PCDHA13: variants seen among roughly 807,000 people sequenced by gnomAD.
PCDHA13 encodes the protein protocadherin alpha-13.
Under a neutral mutation model 64.8 loss-of-function variants are expected in PCDHA13, and 54 were observed. The observed-to-expected ratio is 0.83, with a 90% CI of 0.67 to 1.04. The LOEUF is 1.04. Among genes scored for constraint, PCDHA13 ranks in the 50% least tolerant of loss-of-function variants. PCDHA13 has a pLI of 0.00. For missense variants in PCDHA13, 1,248 were observed against 1,254.3 expected (o/e 0.99, Z 0.08); for synonymous variants, 587 against 564.4 (o/e 1.04, Z -0.57).
At chr5:140,924,901 AAAAATAAAAT>A (rs10667761) in intron 1 of PCDHA13, among the ~76,000 whole-genome samples, 1,500 of 80,408 alleles carry the variant, frequency 0.019, 14 homozygotes, top group African/African-American at 0.052. Context: ...TCTCAAAAAA[AAAAATAAAAT>A]AAAATAAAAT....
intron 1 of PCDHA13, among the ~76,000 whole-genome samples, chr5:140,906,204 C>A (rs2072457750): frequency 6.6e-6 from 1 of 152,192 alleles, no homozygotes. Context: ...AGTTGACACT[C>A]AGTATTAACC....
intron 1 of PCDHA13, among the ~76,000 whole-genome samples, chr5:140,975,393 C>G (rs2096665585): frequency 6.6e-6 from 1 of 152,256 alleles, no homozygotes. Flanking sequence ...TAAGATCCAT[C>G]ACAATCACAG....
chr5:141,009,539 C>T, intron 3 of PCDHA13, 88 bp from the exon 4 acceptor site: 1 of 1,522,752 alleles, frequency 6.6e-7, no homozygotes, highest in Non-Finnish European at 8.8e-7. Flanking sequence ...TTCAGCCTGC[C>T]TATGCAGTAC....
intron 3 of PCDHA13, among the ~76,000 whole-genome samples, chr5:140,999,772 T>A (rs1186405321): frequency 6.6e-6 from 1 of 152,182 alleles, no homozygotes; most frequent in Non-Finnish European, 1.5e-5. Flanking sequence ...CTTTATACTC[T>A]TAACCTAGAA....
intron 2 of PCDHA13, among the ~76,000 whole-genome samples, chr5:140,980,822 T>A (rs1433488208): frequency 6.6e-6 from 1 of 152,204 alleles, no homozygotes; most frequent in Non-Finnish European, 1.5e-5. Flanking sequence ...ACATATTAAA[T>A]GAGTTGTGAA....
At chr5:140,966,868 G>A (rs781853403) in intron 1 of PCDHA13, 47 of 1,580,198 alleles carry the variant, frequency 3.0e-5, no homozygotes, top group Non-Finnish European at 3.7e-5. Flanking sequence ...TGTTGCTGCT[G>A]CTGCTACCTG....
intron 1 of PCDHA13, among the ~76,000 whole-genome samples, chr5:140,890,189 G>C (rs1262049301): frequency 1.3e-5 from 2 of 152,102 alleles, no homozygotes; most frequent in Non-Finnish European, 2.9e-5. Context: ...CTACAAAACA[G>C]AGTTTTTTGT....
At chr5:140,980,910 T>G (rs1554242463) in intron 2 of PCDHA13, among the ~76,000 whole-genome samples, 1 of 152,206 alleles carries the variant, frequency 6.6e-6, no homozygotes, top group East Asian at 1.9e-4. Context: ...ATGTAACTAT[T>G]CTTTAAAAAA....
In PCDHA13 at chr5:140,884,195, C is replaced by T; in HGVS notation, c.1927C>T (p.Pro643Ser). 1 of 1,613,394 alleles carries T rather than the reference C, an allele frequency of 6.2e-7. No homozygotes were observed. Among genetic ancestry groups the T allele is most frequent in the Non-Finnish European group, 8.5e-7 (1 of 1,179,746 alleles). ...TTRPLDEVDA[P>S]HHRLLVLVKD... is the part of the protein sequence containing the mutation. ...GCGCCCTCTGGACGAGGTGGACGCG[C>T]CGCACCACCGCCTTCTGGTGCTGGT... Residue 643 changes from proline (P) to serine (S), a missense_variant, in exon 1 of 4, where the codon CCG becomes TCG. Coordinates refer to ENST00000289272, the MANE Select transcript of PCDHA13 (RefSeq NM_018904.3).
intron 1 of PCDHA13, among the ~76,000 whole-genome samples, chr5:140,950,299 C>T (rs246045): frequency 0.56 from 85,681 of 151,798 alleles, 24,780 homozygotes; most frequent in African/African-American, 0.69. Context: ...AAAAACTTTA[C>T]TTAGCAGTTT....
chr5:140,884,122 G>C lies in PCDHA13; in HGVS notation c.1854G>C (p.Ala618=). 2 of 1,613,306 alleles carry C rather than the reference G, an allele frequency of 1.2e-6. No individual in the cohort carries two copies. The change falls in exon 1 of 4, where the codon GCG becomes GCC. Residue 618 remains alanine (A), a synonymous_variant. Coordinates refer to ENST00000289272, the MANE Select transcript of PCDHA13 (RefSeq NM_018904.3). ...SYELQLAAVG[A]RIPFRVGLYT... ...AATTGCAGCTGGCGGCGGTCGGCGC[G>C]CGCATCCCGTTCCGCGTGGGGCTGT...
At chr5:140,896,090 C>T (rs1312909051) in intron 1 of PCDHA13, among the ~76,000 whole-genome samples, 2 of 152,152 alleles carry the variant, frequency 1.3e-5, no homozygotes, top group African/African-American at 4.8e-5. Flanking sequence ...GGATTACAGG[C>T]GTGAGCCACT....
chr5:141,007,653 C>T (rs373127730), intron 3 of PCDHA13, among the ~76,000 whole-genome samples: 1 of 152,126 alleles, frequency 6.6e-6, no homozygotes, highest in African/African-American at 2.4e-5. Context: ...GCCTAAAAAA[C>T]CATAAATTTA....
intron 1 of PCDHA13, among the ~76,000 whole-genome samples, chr5:140,897,888 G>C (rs1554187649): frequency 6.6e-6 from 1 of 152,150 alleles, no homozygotes; most frequent in Non-Finnish European, 1.5e-5. Flanking sequence ...ATTCTAACTG[G>C]TGTGAGATGG....
intron 1 of PCDHA13, among the ~76,000 whole-genome samples, chr5:140,925,964 C>CA (rs782520997): frequency 4.3e-4 from 65 of 150,204 alleles, no homozygotes; most frequent in Middle Eastern, 3.4e-3. Flanking sequence ...TGCTATCACG[C>CA]AAAAAAAAAG....
At chr5:140,938,210 T>G (rs1355577102) in intron 1 of PCDHA13, among the ~76,000 whole-genome samples, 2 of 152,140 alleles carry the variant, frequency 1.3e-5, no homozygotes, top group East Asian at 3.8e-4. Flanking sequence ...CCTCCCAAAG[T>G]GCTGGGATTA....
rs148688132 is a variant in PCDHA13, at chr5:140,902,203, CTT to C, written c.2394+17558_2394+17559del. Among the ~76,000 whole-genome samples the C allele has an allele frequency of 5.2e-3, 642 of 124,424 alleles. 3 individuals are homozygous for C. The highest frequency in any genetic ancestry group is 0.019 in the African/African-American group (601 of 32,314). 81.6% of individuals were successfully genotyped at this position (124,424 alleles called of 152,430 possible). The stretch of plus-strand genomic sequence containing the variant: ...TTATGTCTTCTCTCTCTCTCTCTTT[CTT>C]TTTTTTTTTTTTTTTTGAGATGAGG... On this transcript the variant is annotated intron_variant, in intron 1 of 3. Coordinates refer to ENST00000289272, the MANE Select transcript of PCDHA13 (RefSeq NM_018904.3).
At chr5:140,927,288 C>T (rs917590577) in intron 1 of PCDHA13, 1 of 1,614,196 alleles carries the variant, frequency 6.2e-7, no homozygotes, top group Non-Finnish European at 8.5e-7. Context: ...TGCAGCTGCA[C>T]ATCCCCGAGT....
chr5:141,002,335 ACC>A (rs1554258611), intron 3 of PCDHA13, among the ~76,000 whole-genome samples: 81 of 152,230 alleles, frequency 5.3e-4, no homozygotes, highest in African/African-American at 2.0e-3. Flanking sequence ...CTGCATCCGC[ACC>A]CCTTCCCCCA....
Sources: gnomAD v4.1 joint callset for allele counts (sites outside exome capture counted in the v4.1 genomes callset) on GRCh38, gnomAD v4.1.1 for gene constraint, MANE v1.5 for transcripts, NCBI Gene and HGNC (gene_info 2026-07-23, HGNC 2026-07-21) for gene names.